The following CTNNA3 variants were observed in gnomAD, a reference collection of about 807,000 sequenced individuals.
The protein encoded by CTNNA3 is catenin alpha-3.
CTNNA3 carries 76 observed loss-of-function variants against 95.7 expected under a neutral mutation model. The ratio of observed to expected loss-of-function variants is 0.79; its 90% CI spans 0.66 to 0.96. The LOEUF is 0.96. CTNNA3 is among the 40% of genes least tolerant of loss of function. The pLI, the probability that CTNNA3 is intolerant of heterozygous loss-of-function variation, is 0.00. For missense variants in CTNNA3, 1,191 were observed against 1,089.8 expected, an observed-to-expected ratio of 1.09 and a Z score of -1.31; for synonymous variants, 431 against 374.4, an observed-to-expected ratio of 1.15 and a Z score of -1.74.
intron 7 of CTNNA3, among the ~76,000 whole-genome samples, chr10:67,109,439 A>T (rs1369578604): frequency 6.6e-6 from 1 of 152,180 alleles, no homozygotes; most frequent in Non-Finnish European, 1.5e-5. Flanking sequence ...TTTTGTGCTT[A>T]TGGCACTTTT....
intron 10 of CTNNA3, among the ~76,000 whole-genome samples, chr10:66,567,513 G>T (rs1234132872): frequency 6.6e-6 from 1 of 152,078 alleles, no homozygotes; most frequent in Non-Finnish European, 1.5e-5. Context: ...TAGCTATTCA[G>T]GAGGCTGAGG....
At chr10:65,962,800 T>A (rs1218814424) in intron 17 of CTNNA3, among the ~76,000 whole-genome samples, 1 of 146,172 alleles carries the variant, frequency 6.8e-6, no homozygotes, top group African/African-American at 2.5e-5. Context: ...AGTGAGAACA[T>A]GTGGTGTTCG....
chr10:67,223,808 A>T (rs1203877687), intron 5 of CTNNA3, among the ~76,000 whole-genome samples: 1 of 152,250 alleles, frequency 6.6e-6, no homozygotes, highest in Non-Finnish European at 1.5e-5. Flanking sequence ...AAATGCAAAG[A>T]TAAAGATCAG....
intron 3 of CTNNA3, among the ~76,000 whole-genome samples, chr10:67,595,881 G>T (rs755660246): frequency 6.6e-6 from 1 of 152,148 alleles, no homozygotes; most frequent in Non-Finnish European, 1.5e-5. Flanking sequence ...ATTATGAAAT[G>T]CCCTTCTTTG....
At chr10:67,137,792 C>G (rs1050495262) in intron 7 of CTNNA3, among the ~76,000 whole-genome samples, 2 of 152,074 alleles carry the variant, frequency 1.3e-5, no homozygotes, top group African/African-American at 4.8e-5. Flanking sequence ...ATTATTCCAT[C>G]TTCCACCCTA....
intron 7 of CTNNA3, chr10:67,099,856 T>C (rs935557295): frequency 3.3e-5 from 5 of 151,810 alleles, no homozygotes; most frequent in Non-Finnish European, 7.4e-5. Flanking sequence ...TTATTCTTAT[T>C]CTTAATTCTC....
chr10:67,244,016 T>C (rs1326031306), intron 5 of CTNNA3, among the ~76,000 whole-genome samples: 1 of 152,198 alleles, frequency 6.6e-6, no homozygotes, highest in African/African-American at 2.4e-5. Context: ...TTTAAAGTAA[T>C]GAGAAAACCT....
At chr10:66,317,620 C>A (rs937116085) in intron 12 of CTNNA3, among the ~76,000 whole-genome samples, 1 of 151,828 alleles carries the variant, frequency 6.6e-6, no homozygotes, top group African/African-American at 2.4e-5. Context: ...TTGTAGTGAG[C>A]TGAGATCACT....
chr10:67,222,147 C>G (rs1384164863), intron 5 of CTNNA3, among the ~76,000 whole-genome samples: 1 of 152,138 alleles, frequency 6.6e-6, no homozygotes, highest in African/African-American at 2.4e-5. Context: ...ATTTTTAGTT[C>G]CTTCCCTTCT....
chr10:67,705,032 C>T (rs1012498103), intron 1 of CTNNA3, among the ~76,000 whole-genome samples: 5 of 152,204 alleles, frequency 3.3e-5, no homozygotes, highest in African/African-American at 1.2e-4. Context: ...AAAAAATGGT[C>T]ACCATCACTG....
chr10:66,978,552 A>AAAAAAAAAAAATATATATATATATAT, intron 7 of CTNNA3, among the ~76,000 whole-genome samples: 1 of 37,866 alleles, frequency 2.6e-5, no homozygotes. Flanking sequence ...AAAAAAAAAA[A>AAAAAAAAAAAATATATATATATATAT]ATATATATAT....
rs1482271665 is a variant in CTNNA3 at position 67,290,987 on chromosome 10, T to C, written c.580-71117A>G. Among the ~76,000 whole-genome samples, 6 of 152,128 alleles carry C rather than the reference T, an allele frequency of 3.9e-5. No homozygotes were observed. The East Asian group carries it at 9.6e-4, about 24-fold the overall frequency. On this transcript the variant is annotated intron_variant, in intron 5 of 17. Transcript: ENST00000433211. ...GCTTATTTGTTCACCCTTTCTTATG[T>C]AATATAATAGGTGATGTTACAGATG...
chr10:67,150,050 T>C (rs953771863), intron 7 of CTNNA3, among the ~76,000 whole-genome samples: 1 of 152,184 alleles, frequency 6.6e-6, no homozygotes, highest in African/African-American at 2.4e-5. Context: ...CCAAAACCAC[T>C]GAGTATAGAA....
intron 2 of CTNNA3, among the ~76,000 whole-genome samples, chr10:67,622,979 G>A (rs976690077): frequency 6.6e-5 from 10 of 152,124 alleles, no homozygotes; most frequent in Non-Finnish European, 1.5e-4. Flanking sequence ...ACTCGTTGAG[G>A]TTATAGTCAA....
rs761969697 is a variant in CTNNA3 at position 66,136,854 on chromosome 10, C to T, written c.1885-33605G>A. Among the ~76,000 whole-genome samples, 2 of 151,678 alleles carry T rather than the reference C, an allele frequency of 1.3e-5. 1 individual carries two copies. The highest frequency in any genetic ancestry group is 4.1e-4 in the South Asian group (2 of 4,820). On this transcript the variant is annotated intron_variant, in intron 13 of 17. Transcript: ENST00000433211. Reference sequence around the variant, plus strand: ...ATTTTTTTTTTTTGAGATAGAGTCTCACTGTCGCCCAGGCTGAAGGGCAGT... The same window carrying T: ...ATTTTTTTTTTTTGAGATAGAGTCTTACTGTCGCCCAGGCTGAAGGGCAGT...
intron 8 of CTNNA3, among the ~76,000 whole-genome samples, chr10:66,774,865 C>T (rs977367553): frequency 6.6e-6 from 1 of 152,070 alleles, no homozygotes; most frequent in Non-Finnish European, 1.5e-5. Context: ...TAATGAAATT[C>T]TTTCTAATCC....
At chr10:67,756,832 G>T (rs979011863) in intron 1 of CTNNA3, among the ~76,000 whole-genome samples, 2 of 152,032 alleles carry the variant, frequency 1.3e-5, no homozygotes, top group Non-Finnish European at 2.9e-5. Flanking sequence ...TTAAAATGGT[G>T]AATTTTACCT....
Position 67,219,805 on chromosome 10 carries a change from A to G in CTNNA3, c.645T>C (p.Ser215=). The G allele has an allele frequency of 1.9e-6, 3 of 1,614,026 alleles. No individual in the cohort carries two copies. Among genetic ancestry groups the G allele is most frequent in the Non-Finnish European group, 2.5e-6 (3 of 1,179,910 alleles). Residue 215 remains serine (S), a synonymous_variant, in exon 6 of 18, where the codon TCT becomes TCC. Coordinates refer to ENST00000433211, the MANE Select transcript of CTNNA3 (RefSeq NM_013266.4). ...CTGAACAAATTGAATGCAAGAGGGG[A>G]GAGTTCTCCTTCAGTGAAGCTCGGG... is the stretch of plus-strand genomic sequence containing the variant. ...AGARASLKEN[S]PLLHSICSAC... is the part of the protein sequence containing the mutation.
intron 15 of CTNNA3, among the ~76,000 whole-genome samples, chr10:66,015,162 T>G (rs2079070948): frequency 6.6e-6 from 1 of 151,910 alleles, no homozygotes. Flanking sequence ...TAATAAAATT[T>G]ACTTTATTGG....
Sources: gnomAD v4.1 joint callset for allele counts (sites outside exome capture counted in the v4.1 genomes callset) on GRCh38, gnomAD v4.1.1 for gene constraint, MANE v1.5 for transcripts, NCBI Gene and HGNC (gene_info 2026-07-23, HGNC 2026-07-21) for gene names.